The following PTGR1 variants were observed in gnomAD, a reference collection of about 807,000 sequenced individuals.
PTGR1 encodes 15-oxoprostaglandin 13-reductase.
PTGR1 carries 23 observed loss-of-function variants against 37.7 expected under a neutral mutation model. The observed-to-expected ratio is 0.61, with a 90% CI of 0.44 to 0.86. PTGR1 has a LOEUF of 0.86. Among genes scored for constraint, PTGR1 ranks in the 40% least tolerant of loss-of-function variants. The pLI is 0.00. For synonymous variants in PTGR1, 134 were observed against 140.0 expected, an observed-to-expected ratio of 0.96 and a Z score of 0.30; for missense variants, 351 against 394.3, an observed-to-expected ratio of 0.89 and a Z score of 0.93.
At chr9:111,564,047 G>A (rs1048508004) in intron 9 of PTGR1, 2 of 173,126 alleles carry the variant, frequency 1.2e-5, no homozygotes, top group African/African-American at 4.8e-5. Context: ...GTTCATGTTA[G>A]TGAGAAAGGG....
chr9:111,569,887 GAAATGA>G (rs1456686346), intron 9 of PTGR1, 198 bp downstream of exon 9: 1 of 768,226 alleles, frequency 1.3e-6, no homozygotes. Context: ...ATTTGCAGTG[GAAATGA>G]ACTTTAGAGA....
chr9:111,557,477 GCT>G (rs1828158945), intron 9 of PTGR1, among the ~76,000 whole-genome samples: 1 of 151,288 alleles, frequency 6.6e-6, no homozygotes, highest in Non-Finnish European at 1.5e-5. Context: ...ATGGAGTCTC[GCT>G]CTGTCTCTCA....
intron 4 of PTGR1, among the ~76,000 whole-genome samples, chr9:111,591,868 T>C (rs1212263382): frequency 6.6e-6 from 1 of 152,136 alleles, no homozygotes; most frequent in Non-Finnish European, 1.5e-5. Context: ...GCATGCAGGA[T>C]TGTGTAAAGA....
intron 6 of PTGR1, among the ~76,000 whole-genome samples, chr9:111,581,096 G>T (rs12555931): frequency 0.23 from 35,244 of 152,114 alleles, 4,153 homozygotes; most frequent in Non-Finnish European, 0.25. Flanking sequence ...TATGGGGAAA[G>T]GAAGCAATCC....
At chr9:111,578,395 T>A (rs1346840148) in intron 7 of PTGR1, among the ~76,000 whole-genome samples, 1 of 150,974 alleles carries the variant, frequency 6.6e-6, no homozygotes, top group Non-Finnish European at 1.5e-5. Flanking sequence ...AGTGGGTGAG[T>A]TTTCCTGCAA....
downstream of PTGR1, among the ~76,000 whole-genome samples, chr9:111,559,957 T>C (rs941792333): frequency 5.9e-5 from 9 of 152,186 alleles, no homozygotes; most frequent in African/African-American, 2.2e-4. Flanking sequence ...CTTCTCCCCA[T>C]TGTTTCATTG....
chr9:111,593,086 A>G (rs1245487796), intron 3 of PTGR1, 104 bp from the exon 4 acceptor site: 1 of 1,460,048 alleles, frequency 6.8e-7, no homozygotes, highest in Non-Finnish European at 9.0e-7. Context: ...GTTTCAAGCC[A>G]AATGAAAAAC....
At chr9:111,568,384 AG>A (rs1828666656) in intron 9 of PTGR1, among the ~76,000 whole-genome samples, 1 of 152,142 alleles carries the variant, frequency 6.6e-6, no homozygotes, top group African/African-American at 2.4e-5. Flanking sequence ...CAGGCTTATT[AG>A]GGTGGGGGAA....
At chr9:111,569,896 T>C in intron 9 of PTGR1, 195 bp downstream of exon 9, 1 of 865,854 alleles carries the variant, frequency 1.2e-6, no homozygotes, top group Non-Finnish European at 1.7e-6. Flanking sequence ...GGAAATGAAC[T>C]TTAGAGAGGG....
intron 4 of PTGR1, among the ~76,000 whole-genome samples, chr9:111,590,984 A>G (rs1369291883): frequency 6.6e-6 from 1 of 152,052 alleles, no homozygotes; most frequent in East Asian, 1.9e-4. Flanking sequence ...TGAAGGTCAT[A>G]TAATTCCATT....
intron 9 of PTGR1, among the ~76,000 whole-genome samples, chr9:111,556,429 C>T (rs886734482): frequency 6.6e-6 from 1 of 152,238 alleles, no homozygotes; most frequent in Non-Finnish European, 1.5e-5. Context: ...GGGGCTCCAT[C>T]CCCATGTTAT....
At chr9:111,598,483 T>C (rs1829849881) in intron 1 of PTGR1, among the ~76,000 whole-genome samples, 1 of 152,144 alleles carries the variant, frequency 6.6e-6, no homozygotes, top group Non-Finnish European at 1.5e-5. Context: ...TTGTTCCTTC[T>C]TTTCTTTTTT....
At chr9:111,558,569 A>G (rs531951422), downstream of PTGR1, among the ~76,000 whole-genome samples, 57 of 152,344 alleles carry the variant, frequency 3.7e-4, no homozygotes, top group Admixed American at 9.8e-4. Context: ...CCCCAGCCCC[A>G]GAACAAACCA....
intron 5 of PTGR1, among the ~76,000 whole-genome samples, chr9:111,584,313 T>C (rs1030500851): frequency 6.6e-6 from 1 of 152,118 alleles, no homozygotes; most frequent in Middle Eastern, 3.2e-3. Context: ...TGGCTCACAG[T>C]CCAGAGGGAA....
At position 111,556,863 on chromosome 9, in the gene PTGR1, G is replaced by A. The variant is rs546839569; in HGVS notation, c.880-7064C>T. The stretch of plus-strand genomic sequence containing the variant: ...CAGCCATGCTTCCTGTATAGCCTGC[G>A]GAACTGAGAGTCAATTAAGCCCAAG... On this transcript the variant is annotated intron_variant, in intron 9 of 9. Transcript: ENST00000538962. Among the ~76,000 whole-genome samples the A allele has an allele frequency of 6.6e-5, 10 of 152,318 alleles. No individual in the cohort carries two copies. In the East Asian group the frequency reaches 7.7e-4, roughly 12 times the overall value.
At chr9:111,580,755 C>CAAA (rs79876761) in intron 6 of PTGR1, among the ~76,000 whole-genome samples, 3 of 115,568 alleles carry the variant, frequency 2.6e-5, no homozygotes, top group Non-Finnish European at 3.6e-5. Flanking sequence ...AACTCCATCT[C>CAAA]AAAAAAAAAA....
chr9:111,577,168 A>G (rs1266427337), intron 7 of PTGR1: 2 of 152,244 alleles, frequency 1.3e-5, no homozygotes, highest in East Asian at 3.8e-4. Context: ...TATTTCTCCA[A>G]AGAAGATATA....
At chr9:111,570,504 C>T (rs1206581060) in intron 8 of PTGR1, among the ~76,000 whole-genome samples, 1 of 152,048 alleles carries the variant, frequency 6.6e-6, no homozygotes, top group Non-Finnish European at 1.5e-5. Context: ...GGCGCGGTGG[C>T]TCACACCTGT....
chr9:111,584,202 C>T (rs779226518), intron 5 of PTGR1, among the ~76,000 whole-genome samples: 1 of 152,192 alleles, frequency 6.6e-6, no homozygotes, highest in Non-Finnish European at 1.5e-5. Flanking sequence ...AAGACACCAC[C>T]GCATCTCATT....
Sources: gnomAD v4.1 joint callset for allele counts (sites outside exome capture counted in the v4.1 genomes callset) on GRCh38, gnomAD v4.1.1 for gene constraint, MANE v1.5 for transcripts, NCBI Gene and HGNC (gene_info 2026-07-23, HGNC 2026-07-21) for gene names.